PDZD7: variants seen among roughly 807,000 people sequenced by gnomAD.
PDZD7 encodes the protein PDZ domain-containing protein 7.
PDZD7 carries 72 observed loss-of-function variants against 84.7 expected under a neutral mutation model. That is an observed-to-expected ratio of 0.85 (90% CI 0.70 to 1.03). The LOEUF (loss-of-function observed/expected upper bound fraction) is 1.03. PDZD7 is among the 50% of genes least tolerant of loss of function. The probability of loss-of-function intolerance (pLI) is 0.00; values close to 1 mark genes in which losing one functional copy is unlikely to be tolerated. For synonymous variants in PDZD7, 594 were observed against 580.7 expected, an observed-to-expected ratio of 1.02 and a Z score of -0.33; for missense variants, 1,490 against 1,412.9, an observed-to-expected ratio of 1.05 and a Z score of -0.87.
chr10:101,007,696 G>A lies in PDZD7; in HGVS notation c.*771C>T. The A allele has an allele frequency of 9.7e-7, 1 of 1,029,106 alleles. No individual in the cohort carries two copies. The allele number at this position is 1,029,106 out of a possible 1,614,324, so 63.7% of individuals were successfully genotyped here. ...CAAAGGAAGAACTCAGAAATGTCTTGTTTATTTGTGTTTGTGACCAAGCAG... is the reference window on the plus strand; with the variant it reads ...CAAAGGAAGAACTCAGAAATGTCTTATTTATTTGTGTTTGTGACCAAGCAG... On this transcript the variant is annotated 3_prime_UTR_variant, in exon 17 of 17. Coordinates refer to ENST00000619208, the MANE Select transcript of PDZD7 (RefSeq NM_001195263.2).
intron 2 of PDZD7, among the ~76,000 whole-genome samples, chr10:101,024,959 A>C (rs1294807994): frequency 6.6e-6 from 1 of 151,938 alleles, no homozygotes; most frequent in Admixed American, 6.6e-5. Flanking sequence ...GACAGACAAG[A>C]AGGTTCAGGA....
chr10:101,019,866 T>C (rs1852978939), intron 7 of PDZD7, among the ~76,000 whole-genome samples: 1 of 151,110 alleles, frequency 6.6e-6, no homozygotes, highest in African/African-American at 2.4e-5. Context: ...CCTCAGGTGA[T>C]CCACCCACCT....
At chr10:101,017,306 G>A in intron 9 of PDZD7, 1 of 298,914 alleles carries the variant, frequency 3.3e-6, no homozygotes, top group South Asian at 9.1e-5. Flanking sequence ...GAGAGATGGA[G>A]GGGGACAGAT....
chr10:101,026,298 C>A (rs1937696789), intron 2 of PDZD7, among the ~76,000 whole-genome samples: 1 of 152,014 alleles, frequency 6.6e-6, no homozygotes, highest in East Asian at 1.9e-4. Flanking sequence ...CCATGCCGGG[C>A]AAATTTTTGT....
Position 101,021,685 on chromosome 10 carries a change from C to T in PDZD7, c.867+113G>A, listed in dbSNP as rs1853106265. 2.7e-6 allele frequency: 4 copies of T among 1,497,494 alleles called. No homozygotes were observed. The East Asian group carries it at 9.0e-5, about 34-fold the overall frequency. The allele number at this position is 1,497,494 out of a possible 1,614,324, so 92.8% of individuals were successfully genotyped here. ...CAGGGATGAGAACAATGCCTGTCTA[C>T]CTTCTAGTGGCTGTGGGAACGTCAT... On this transcript the variant is annotated intron_variant, in intron 6 of 16. Transcript: ENST00000619208.
intron 7 of PDZD7, 60 bp downstream of exon 7, chr10:101,020,557 CG>C: frequency 6.6e-7 from 1 of 1,510,794 alleles, no homozygotes; most frequent in Non-Finnish European, 9.2e-7. Flanking sequence ...TTCAGAGAGC[CG>C]GGCCCCACCC....
At chr10:101,011,872 TCCCCAC>T in intron 13 of PDZD7, 47 bp downstream of exon 13, 1 of 1,549,144 alleles carries the variant, frequency 6.5e-7, no homozygotes, top group Non-Finnish European at 8.7e-7. Context: ...CGGGGTCCCA[TCCCCAC>T]CCCCAGCAGG....
chr10:101,012,797 T>C (rs1852443067), intron 11 of PDZD7, among the ~76,000 whole-genome samples: 1 of 152,222 alleles, frequency 6.6e-6, no homozygotes, highest in Non-Finnish European at 1.5e-5. Context: ...TCCCAGCATA[T>C]GTCTGCACAC....
At chr10:101,028,882 G>C (rs1386196328) in intron 2 of PDZD7, among the ~76,000 whole-genome samples, 2 of 152,218 alleles carry the variant, frequency 1.3e-5, no homozygotes, top group Non-Finnish European at 1.5e-5. Context: ...TGTATGACAG[G>C]GGTGAGCGTG....
rs145548319 is a variant in PDZD7, at chr10:101,021,864, G to A, written c.801C>T (p.Asp267=). The A allele has an allele frequency of 2.4e-5, 38 of 1,614,000 alleles. No homozygotes were observed. The highest frequency in any genetic ancestry group is 1.5e-4 in the Admixed American group (9 of 60,000). The change falls in exon 6 of 17, where the codon GAC becomes GAT. Residue 267 remains aspartate (D), a synonymous_variant. Transcript: ENST00000619208. ...CCACGGCCTGGCTGTGGCTGATGTC[G>A]TCAAACCTGACACCGTTGGCTGCCA... ...QVLAANGVRF[D]DISHSQAVEV...
chr10:101,026,888 C>T (rs1328309609), intron 2 of PDZD7, among the ~76,000 whole-genome samples: 1 of 152,016 alleles, frequency 6.6e-6, no homozygotes, highest in Non-Finnish European at 1.5e-5. Context: ...GCCAAGGAGC[C>T]TTTTACTCCC....
chr10:101,028,647 T>C (rs1182723715), intron 2 of PDZD7, among the ~76,000 whole-genome samples: 1 of 150,130 alleles, frequency 6.7e-6, no homozygotes, highest in Non-Finnish European at 1.5e-5. Flanking sequence ...GCATCATACA[T>C]GGGCAAAGGG....
intron 8 of PDZD7, 132 bp downstream of exon 8, chr10:101,018,690 C>T: frequency 8.2e-6 from 10 of 1,217,314 alleles, no homozygotes; most frequent in Non-Finnish European, 1.1e-5. Context: ...GTCTGAGCAG[C>T]CTGGAGCTTG....
intron 2 of PDZD7, among the ~76,000 whole-genome samples, chr10:101,026,546 G>A (rs1256031057): frequency 1.3e-5 from 2 of 151,944 alleles, no homozygotes; most frequent in Non-Finnish European, 2.9e-5. Context: ...GGGCCCTTGA[G>A]GAGGCCTTCC....
In PDZD7 at chr10:101,022,343, A is replaced by T. The variant is rs764743877; in HGVS notation, c.585T>A (p.Gly195=). ...CTGAGCTGGTGTCGGAGGGTGTTGA[A>T]CCGCACTTCTCCACTACCAGGCGCC... ...VNRRLVVEKC[G]STPSDTSSED... is the part of the protein sequence containing the mutation. Residue 195 remains glycine, a synonymous_variant, in exon 5 of 17, where the codon GGT becomes GGA. Coordinates refer to ENST00000619208, the MANE Select transcript of PDZD7 (RefSeq NM_001195263.2). 5.6e-6 allele frequency: 9 copies of T among 1,613,972 alleles called. No homozygotes were observed. Among genetic ancestry groups the T allele is most frequent in the Non-Finnish European group, 7.6e-6 (9 of 1,180,004 alleles).
intron 9 of PDZD7, 59 bp downstream of exon 9, chr10:101,018,040 T>C: frequency 1.2e-6 from 2 of 1,609,650 alleles, no homozygotes; most frequent in East Asian, 2.2e-5. Context: ...TCAGAACTGC[T>C]GAATGCCGAA....
chr10:101,021,846 C>CTGGCTG lies in PDZD7; in HGVS notation c.813_818dup (p.His271_Ser272dup). The CTGGCTG allele has an allele frequency of 6.2e-7, 1 of 1,614,218 alleles. No homozygotes were observed. The highest frequency in any genetic ancestry group is 8.5e-7 in the Non-Finnish European group (1 of 1,180,042). ...TTTGGCCCTTCAGCACCTCCACGGC[C>CTGGCTG]TGGCTGTGGCTGATGTCGTCAAACC... On this transcript the variant is annotated inframe_insertion, in exon 6 of 17. Transcript: ENST00000619208.
At chr10:101,025,746 ACCG>A in intron 2 of PDZD7, among the ~76,000 whole-genome samples, 1 of 151,060 alleles carries the variant, frequency 6.6e-6, no homozygotes, top group African/African-American at 2.4e-5. Flanking sequence ...ACGGGGTTTC[ACCG>A]TGTTGGCCAG....
rs1264039301 is a variant in PDZD7 at position 101,012,031 on chromosome 10, G to A, written c.1842-15C>T. The A allele has an allele frequency of 6.5e-7, 1 of 1,548,082 alleles. No individual in the cohort carries two copies. The highest frequency in any genetic ancestry group is 2.4e-5 in the East Asian group (1 of 40,846). On this transcript the variant is annotated splice_polypyrimidine_tract_variant and intron_variant, in intron 12 of 16. Coordinates refer to ENST00000619208, the MANE Select transcript of PDZD7 (RefSeq NM_001195263.2). The stretch of plus-strand genomic sequence containing the variant: ...CCACCACACTCCTGGGAGAGGGCGA[G>A]AGACAGCAGGGGTGGGAGGGGCAGG...
Sources: gnomAD v4.1 joint callset for allele counts (sites outside exome capture counted in the v4.1 genomes callset) on GRCh38, gnomAD v4.1.1 for gene constraint, MANE v1.5 for transcripts, NCBI Gene and HGNC (gene_info 2026-07-23, HGNC 2026-07-21) for gene names.